CCDC91: variants seen among roughly 807,000 people sequenced by gnomAD.
The protein encoded by CCDC91 is coiled-coil domain-containing protein 91.
Under a neutral mutation model 63.2 loss-of-function variants are expected in CCDC91, and 48 were observed. The observed-to-expected ratio is 0.76, with a 90% confidence interval of 0.60 to 0.97. CCDC91 has a LOEUF of 0.97. Ranked by LOEUF, CCDC91 falls within the 50% of genes least tolerant of loss-of-function variation. CCDC91 has a pLI of 0.00. For missense variants in CCDC91, 500 were observed against 494.6 expected, an observed-to-expected ratio of 1.01 and a Z score of -0.10; for synonymous variants, 167 against 165.8, an observed-to-expected ratio of 1.01 and a Z score of -0.06.
At chr12:28,244,984 T>C (rs1005681746) in intron 1 of CCDC91, among the ~76,000 whole-genome samples, 5 of 152,042 alleles carry the variant, frequency 3.3e-5, no homozygotes, top group African/African-American at 9.7e-5. Flanking sequence ...AAAGAAGACA[T>C]TGAAATAGTA....
chr12:28,499,938 T>G (rs955499689), intron 12 of CCDC91, among the ~76,000 whole-genome samples: 1 of 152,164 alleles, frequency 6.6e-6, no homozygotes, highest in Admixed American at 6.6e-5. Flanking sequence ...CCACAATGGT[T>G]GAACTAATTT....
chr12:28,337,052 G>C (rs1489251854), intron 6 of CCDC91, among the ~76,000 whole-genome samples: 1 of 151,944 alleles, frequency 6.6e-6, no homozygotes, highest in Non-Finnish European at 1.5e-5. Context: ...ATCATTGTTG[G>C]TTCAAGTTAC....
intron 8 of CCDC91, among the ~76,000 whole-genome samples, chr12:28,394,422 T>C (rs909231029): frequency 5.3e-5 from 8 of 151,636 alleles, no homozygotes; most frequent in Admixed American, 6.6e-5. Flanking sequence ...CCCGAGATCA[T>C]GCCACTGCAC....
intron 8 of CCDC91, among the ~76,000 whole-genome samples, chr12:28,426,934 T>C (rs1040130648): frequency 6.6e-6 from 1 of 152,168 alleles, no homozygotes; most frequent in African/African-American, 2.4e-5. Flanking sequence ...TAAATTTGGC[T>C]AAGAAGTAGG....
chr12:28,391,270 C>T (rs1199751841), intron 7 of CCDC91, 34 bp from the exon 8 acceptor site: 1 of 1,332,048 alleles, frequency 7.5e-7, no homozygotes, highest in African/African-American at 1.4e-5. Flanking sequence ...CAAGTTTTGT[C>T]TGTGATCCAA....
At chr12:28,326,617 T>C (rs1463904120) in intron 6 of CCDC91, among the ~76,000 whole-genome samples, 1 of 145,892 alleles carries the variant, frequency 6.9e-6, no homozygotes, top group African/African-American at 2.6e-5. Context: ...GTTCTCATTG[T>C]TCAGTTCCCA....
chr12:28,510,485 A>T (rs1046081040), intron 12 of CCDC91, among the ~76,000 whole-genome samples: 14 of 151,950 alleles, frequency 9.2e-5, no homozygotes, highest in Admixed American at 6.6e-4. Context: ...GATCAGTGTC[A>T]GACAGGAGTT....
At chr12:28,404,952 T>G (rs1473104248) in intron 8 of CCDC91, among the ~76,000 whole-genome samples, 1 of 152,092 alleles carries the variant, frequency 6.6e-6, no homozygotes, top group Non-Finnish European at 1.5e-5. Context: ...TTTCTGTCTT[T>G]TAATTGGTGT....
At chr12:28,342,317 A>G (rs1032506342) in intron 6 of CCDC91, among the ~76,000 whole-genome samples, 19 of 152,166 alleles carry the variant, frequency 1.2e-4, no homozygotes, top group African/African-American at 4.3e-4. Flanking sequence ...ATAGAACTGT[A>G]AGATAATAAA....
At chr12:28,400,736 A>G (rs143491478) in intron 8 of CCDC91, among the ~76,000 whole-genome samples, 184 of 152,242 alleles carry the variant, frequency 1.2e-3, no homozygotes, top group African/African-American at 4.0e-3. Context: ...GATATGCTAA[A>G]TCATCTCTCT....
At chr12:28,440,212 T>G (rs555191712) in intron 8 of CCDC91, among the ~76,000 whole-genome samples, 4 of 152,348 alleles carry the variant, frequency 2.6e-5, no homozygotes, top group East Asian at 3.9e-4. Flanking sequence ...TAACTTTTCC[T>G]TAACTAGTGG....
intron 1 of CCDC91, among the ~76,000 whole-genome samples, chr12:28,240,047 G>A (rs1945235887): frequency 6.6e-6 from 1 of 152,152 alleles, no homozygotes; most frequent in Non-Finnish European, 1.5e-5. Context: ...TTGGCAGAAT[G>A]TTTAAATTTG....
At chr12:28,292,335 A>T (rs1949301759) in intron 3 of CCDC91, among the ~76,000 whole-genome samples, 1 of 152,192 alleles carries the variant, frequency 6.6e-6, no homozygotes, top group African/African-American at 2.4e-5. Context: ...TTTCACCCTT[A>T]TGGCTGATTA....
At chr12:28,495,533 G>A (rs911890888) in intron 12 of CCDC91, among the ~76,000 whole-genome samples, 6 of 151,480 alleles carry the variant, frequency 4.0e-5, no homozygotes, top group South Asian at 2.1e-4. Flanking sequence ...CTACCTCAGC[G>A]TCCCATAACA....
At chr12:28,303,897 T>A (rs1938359539) in intron 3 of CCDC91, among the ~76,000 whole-genome samples, 1 of 152,086 alleles carries the variant, frequency 6.6e-6, no homozygotes, top group Admixed American at 6.6e-5. Flanking sequence ...CTTTAAAAAT[T>A]CATTAGTAAT....
chr12:28,433,484 C>T (rs1366644675), intron 8 of CCDC91, among the ~76,000 whole-genome samples: 3 of 151,840 alleles, frequency 2.0e-5, no homozygotes, highest in Admixed American at 6.6e-5. Context: ...ATCTTTTCTC[C>T]ATTTTATTCC....
chr12:28,527,167 G>A (rs1202278511), intron 12 of CCDC91, among the ~76,000 whole-genome samples: 2 of 152,014 alleles, frequency 1.3e-5, no homozygotes, highest in Non-Finnish European at 2.9e-5. Context: ...GATTTTTAGG[G>A]GGTGTTAAAG....
At chr12:28,322,096 A>C (rs1218565915) in intron 6 of CCDC91, among the ~76,000 whole-genome samples, 1 of 151,830 alleles carries the variant, frequency 6.6e-6, no homozygotes, top group African/African-American at 2.4e-5. Context: ...ATTAAATAAA[A>C]ATTTCTAGGA....
At chr12:28,426,560 A>G (rs1170932132) in intron 8 of CCDC91, among the ~76,000 whole-genome samples, 3 of 151,906 alleles carry the variant, frequency 2.0e-5, no homozygotes, top group Non-Finnish European at 2.9e-5. Flanking sequence ...TTATTGATCT[A>G]TGTTCATGTT....
Sources: allele counts gnomAD v4.1 joint callset (sites outside exome capture counted in the v4.1 genomes callset), GRCh38; gene constraint gnomAD v4.1.1; transcripts MANE v1.5; gene names NCBI Gene and HGNC (gene_info 2026-07-23, HGNC 2026-07-21).